UTRN: variants seen among roughly 807,000 people sequenced by gnomAD.
UTRN encodes the protein utrophin.
UTRN carries 283 observed loss-of-function variants against 463.9 expected under a neutral mutation model. The ratio of observed to expected loss-of-function variants is 0.61; its 90% CI spans 0.55 to 0.67. The LOEUF (loss-of-function observed/expected upper bound fraction) is 0.67. Among genes scored for constraint, UTRN ranks in the 30% least tolerant of loss-of-function variants. The pLI is 0.00. For missense variants in UTRN, 3,922 were observed against 4,084.3 expected, an observed-to-expected ratio of 0.96 and a Z score of 1.08; for synonymous variants, 1,442 against 1,431.5, an observed-to-expected ratio of 1.01 and a Z score of -0.17.
At chr6:144,471,799 A>G (rs568025017) in intron 23 of UTRN, among the ~76,000 whole-genome samples, 5 of 152,382 alleles carry the variant, frequency 3.3e-5, no homozygotes, top group Non-Finnish European at 7.3e-5. Context: ...AGCTGTGCCA[A>G]GAATAAACGA....
At chr6:144,702,912 G>A (rs1287783034) in intron 53 of UTRN, among the ~76,000 whole-genome samples, 1 of 152,160 alleles carries the variant, frequency 6.6e-6, no homozygotes, top group Admixed American at 6.5e-5. Flanking sequence ...CTTTCTTAAG[G>A]ACTTTGGATT....
At chr6:144,605,029 C>T (rs988140458) in intron 51 of UTRN, among the ~76,000 whole-genome samples, 2 of 152,140 alleles carry the variant, frequency 1.3e-5, no homozygotes, top group African/African-American at 2.4e-5. Context: ...CACGATATAT[C>T]GTTGGCTTCC....
intron 2 of UTRN, among the ~76,000 whole-genome samples, chr6:144,296,517 T>G (rs985953741): frequency 6.6e-6 from 1 of 152,216 alleles, no homozygotes; most frequent in Non-Finnish European, 1.5e-5. Context: ...GCCCAATGCC[T>G]GGCTCATAAT....
At chr6:144,716,775 T>A (rs1362447839) in intron 53 of UTRN, among the ~76,000 whole-genome samples, 1 of 152,236 alleles carries the variant, frequency 6.6e-6, no homozygotes, top group Non-Finnish European at 1.5e-5. Context: ...TTATGTCATC[T>A]TTTTCACTTA....
At chr6:144,798,052 C>T (rs893774923) in intron 64 of UTRN, 62 bp downstream of exon 64, 20 of 1,602,244 alleles carry the variant, frequency 1.2e-5, no homozygotes, top group Admixed American at 5.2e-5. Context: ...CTCAGTGGTA[C>T]GTCCATCCTC....
intron 54 of UTRN, 107 bp from the exon 55 acceptor site, chr6:144,748,139 T>G: frequency 7.2e-7 from 1 of 1,390,122 alleles, no homozygotes; most frequent in Non-Finnish European, 9.5e-7. Context: ...TAATTTTTTC[T>G]TACTTTTTCT....
At chr6:144,434,189 G>T (rs920626287) in intron 9 of UTRN, among the ~76,000 whole-genome samples, 1 of 151,592 alleles carries the variant, frequency 6.6e-6, no homozygotes, top group East Asian at 2.0e-4. Flanking sequence ...AAAAAAATAC[G>T]AAAACCAGTC....
intron 34 of UTRN, among the ~76,000 whole-genome samples, chr6:144,505,605 G>A (rs1794627422): frequency 6.6e-6 from 1 of 152,218 alleles, no homozygotes; most frequent in South Asian, 2.1e-4. Flanking sequence ...TGATTGCACT[G>A]TGGTCTGAGA....
intron 2 of UTRN, among the ~76,000 whole-genome samples, chr6:144,313,414 G>A (rs1352746651): frequency 6.6e-6 from 1 of 152,038 alleles, no homozygotes; most frequent in East Asian, 1.9e-4. Flanking sequence ...ATATACATAT[G>A]CTTTGATCAC....
chr6:144,429,210 T>A (rs1205510098), intron 8 of UTRN, among the ~76,000 whole-genome samples: 1 of 152,202 alleles, frequency 6.6e-6, no homozygotes, highest in East Asian at 1.9e-4. Context: ...AATGCATTTT[T>A]ATGTGAGCAT....
At chr6:144,654,714 C>G (rs1779151490) in intron 51 of UTRN, among the ~76,000 whole-genome samples, 1 of 152,182 alleles carries the variant, frequency 6.6e-6, no homozygotes, top group African/African-American at 2.4e-5. Context: ...GAGATTGTTT[C>G]CCTCTTGTCT....
chr6:144,386,372 C>T (rs984098494), intron 2 of UTRN, among the ~76,000 whole-genome samples: 2 of 152,058 alleles, frequency 1.3e-5, no homozygotes, highest in East Asian at 3.9e-4. Flanking sequence ...GTGGGAGAAT[C>T]GCTTGAGCCT....
chr6:144,777,620 C>T (rs1461592514), intron 60 of UTRN, among the ~76,000 whole-genome samples: 1 of 151,896 alleles, frequency 6.6e-6, no homozygotes, highest in Non-Finnish European at 1.5e-5. Context: ...TTTCTGTTTT[C>T]CTTTGTATTT....
chr6:144,466,111 C>T (rs6570633), intron 23 of UTRN, among the ~76,000 whole-genome samples: 26,254 of 152,144 alleles, frequency 0.17, 4,240 homozygotes, highest in African/African-American at 0.43. Context: ...TTGCTAATTC[C>T]AATCATTTTC....
intron 25 of UTRN, among the ~76,000 whole-genome samples, chr6:144,478,103 C>T (rs1791442018): frequency 6.6e-6 from 1 of 152,156 alleles, no homozygotes. Context: ...TTTGGACAAA[C>T]ATAATTTTGC....
At chr6:144,396,779 A>G (rs1782466125) in intron 2 of UTRN, among the ~76,000 whole-genome samples, 1 of 152,098 alleles carries the variant, frequency 6.6e-6, no homozygotes, top group African/African-American at 2.4e-5. Flanking sequence ...TCTTGATTTG[A>G]TTTATGGCAC....
At chr6:144,324,104 C>A (rs1775831433) in intron 2 of UTRN, among the ~76,000 whole-genome samples, 1 of 152,112 alleles carries the variant, frequency 6.6e-6, no homozygotes. Flanking sequence ...GTTCTAGAAA[C>A]CTTTACACTG....
At chr6:144,519,443 A>G (rs984459528) in intron 39 of UTRN, among the ~76,000 whole-genome samples, 2 of 152,164 alleles carry the variant, frequency 1.3e-5, no homozygotes, top group Non-Finnish European at 2.9e-5. Flanking sequence ...AATCTCTTTA[A>G]TCTTTGCTAT....
In UTRN at chr6:144,661,681, A is replaced by G. The variant is rs963665233; in HGVS notation, c.7480-16725A>G. Among the ~76,000 whole-genome samples, 8 of 152,176 alleles carry G rather than the reference A, an allele frequency of 5.3e-5. 1 individual carries two copies. In the East Asian group the frequency reaches 1.2e-3, roughly 22 times the overall value. The stretch of plus-strand genomic sequence containing the variant: ...TTTGTCTGTTTCTTCCTTTAAAGGT[A>G]TAGAGCATATGTTACATGAATAATT... On this transcript the variant is annotated intron_variant, in intron 51 of 74. Coordinates refer to ENST00000367545, the MANE Select transcript of UTRN (RefSeq NM_007124.3).
Sources: gnomAD v4.1 joint callset for allele counts (sites outside exome capture counted in the v4.1 genomes callset) on GRCh38, gnomAD v4.1.1 for gene constraint, MANE v1.5 for transcripts, NCBI Gene and HGNC (gene_info 2026-07-23, HGNC 2026-07-21) for gene names.